RELL1: variants seen among roughly 807,000 people sequenced by gnomAD.
The protein encoded by RELL1 is RELT-like protein 1.
Under a neutral mutation model 23.0 loss-of-function variants are expected in RELL1, and 10 were observed. The observed-to-expected ratio is 0.43, with a 90% CI of 0.27 to 0.74. The LOEUF is 0.74. RELL1 is among the 30% of genes least tolerant of loss of function. The probability of loss-of-function intolerance (pLI) is 0.19; values close to 1 mark genes in which losing one functional copy is unlikely to be tolerated. For missense variants in RELL1, 315 were observed against 364.4 expected (o/e 0.86, Z 1.10); for synonymous variants, 146 against 146.8 (o/e 0.99, Z 0.04).
intron 1 of RELL1, among the ~76,000 whole-genome samples, chr4:37,682,548 T>A (rs1009389589): frequency 2.0e-5 from 3 of 152,214 alleles, no homozygotes; most frequent in African/African-American, 7.2e-5. Context: ...ATTCAACTCT[T>A]CAAATTTCCA....
intron 1 of RELL1, among the ~76,000 whole-genome samples, chr4:37,683,504 C>G (rs1722288238): frequency 6.6e-6 from 1 of 152,106 alleles, no homozygotes; most frequent in Admixed American, 6.6e-5. Flanking sequence ...CACCTGTAAT[C>G]CCTGCACTTT....
rs1180099923 is a variant in RELL1 at position 37,610,825 on chromosome 4, T to C, written c.*2521A>G. Among the ~76,000 whole-genome samples the C allele has an allele frequency of 2.6e-5, 4 of 152,180 alleles. No homozygotes were observed. Among genetic ancestry groups the C allele is most frequent in the Admixed American group, 2.0e-4 (3 of 15,274 alleles). On this transcript the variant is annotated 3_prime_UTR_variant, in exon 7 of 7. Coordinates refer to ENST00000454158, the MANE Select transcript of RELL1 (RefSeq NM_001085400.2). This position sits in a 1 kb window ranked among gnomAD's most constrained non-coding sequence, Gnocchi z 4.1. ...CATCATTAGTGTTTTCTAGAGAAAG[T>C]CTGTTGTGGATTCCCTCATCCTTAG...
intron 6 of RELL1, among the ~76,000 whole-genome samples, chr4:37,597,301 C>G (rs1268971488): frequency 6.6e-6 from 1 of 152,150 alleles, no homozygotes; most frequent in East Asian, 1.9e-4. Flanking sequence ...TTACTTATCT[C>G]CCTAATCAAA....
At position 37,638,498 on chromosome 4, in the gene RELL1, G is replaced by T; in HGVS notation, c.392C>A (p.Ala131Asp). The T allele has an allele frequency of 6.2e-7, 1 of 1,609,968 alleles. No individual in the cohort carries two copies. Among genetic ancestry groups the T allele is most frequent in the Non-Finnish European group, 8.5e-7 (1 of 1,176,920 alleles). Residue 131 changes from alanine to aspartate, a missense_variant, in exon 4 of 7, where the codon GCT becomes GAT. Transcript: ENST00000454158. ...VHYIMKNEAN[A>D]DVLKAMVADN... The stretch of plus-strand genomic sequence containing the variant: ...TGCTACCATCGCCTTTAAGACATCA[G>T]CATTCGCTAAGGAATAAAAATAAAA...
intron 1 of RELL1, among the ~76,000 whole-genome samples, chr4:37,651,917 C>T (rs1222737587): frequency 6.6e-6 from 1 of 152,288 alleles, no homozygotes; most frequent in African/African-American, 2.4e-5. Context: ...CTTGGGTGCG[C>T]TACAAGAGCT....
chr4:37,664,166 A>G (rs1471743333), intron 1 of RELL1, among the ~76,000 whole-genome samples: 1 of 152,138 alleles, frequency 6.6e-6, no homozygotes, highest in Non-Finnish European at 1.5e-5. Context: ...TCACAAGGTC[A>G]AGAGATCAAG....
chr4:37,599,248 G>A (rs75396179), intron 6 of RELL1, among the ~76,000 whole-genome samples: 1,806 of 152,278 alleles, frequency 0.012, 32 homozygotes, highest in African/African-American at 0.041. Flanking sequence ...GCTGAGACAC[G>A]GGGTTGCCGC....
chr4:37,678,325 G>T (rs1368512138), intron 1 of RELL1, among the ~76,000 whole-genome samples: 1 of 152,118 alleles, frequency 6.6e-6, no homozygotes, highest in South Asian at 2.1e-4. Flanking sequence ...CTAATACTGG[G>T]GATTACCATT....
Position 37,669,171 on chromosome 4 carries a change from G to A in RELL1, c.88+17029C>T, listed in dbSNP as rs1361808192. On this transcript the variant is annotated intron_variant, in intron 1 of 6. Coordinates refer to ENST00000454158, the MANE Select transcript of RELL1 (RefSeq NM_001085400.2). ...CTCTGCCCGGCCAGCCGCCCCGTCCGGGAGGGAGGTGGGGGGGGGGGTCAG... is the reference window on the plus strand; with the variant it reads ...CTCTGCCCGGCCAGCCGCCCCGTCCAGGAGGGAGGTGGGGGGGGGGGTCAG... Among the ~76,000 whole-genome samples, 109 of 40,318 alleles carry A rather than the reference G, an allele frequency of 2.7e-3. 3 individuals are homozygous for A. Among genetic ancestry groups the A allele is most frequent in the Non-Finnish European group, 2.7e-3 (47 of 17,322 alleles). The allele number at this position is 40,318 out of a possible 152,430, so 26.5% of individuals were successfully genotyped here. A position where few individuals can be genotyped will look rare whatever the true frequency, so the allele number is the denominator to read the frequency against.
intron 6 of RELL1, among the ~76,000 whole-genome samples, chr4:37,630,395 C>T (rs1409655817): frequency 5.9e-5 from 7 of 117,782 alleles, no homozygotes; most frequent in Non-Finnish European, 9.6e-5. Flanking sequence ...GACCGAGTCT[C>T]GCTCTGTCGC....
chr4:37,669,100 G>A (rs1721670692), intron 1 of RELL1, among the ~76,000 whole-genome samples: 1 of 136,098 alleles, frequency 7.3e-6, no homozygotes, highest in African/African-American at 3.1e-5. Flanking sequence ...TCTGGGAGGT[G>A]AGGGGCGCCT....
chr4:37,590,769 C>T, downstream of RELL1: 1 of 1,613,978 alleles, frequency 6.2e-7, no homozygotes, highest in Non-Finnish European at 8.5e-7. Context: ...TGAGGAGAAG[C>T]TGGGATTCAT....
chr4:37,649,015 T>C (rs1720800576), intron 2 of RELL1, among the ~76,000 whole-genome samples: 1 of 152,258 alleles, frequency 6.6e-6, no homozygotes, highest in African/African-American at 2.4e-5. Context: ...AGTGAAATTA[T>C]ACATGGCAGA....
intron 6 of RELL1, among the ~76,000 whole-genome samples, chr4:37,604,946 C>A (rs886699051): frequency 1.1e-4 from 15 of 137,984 alleles, no homozygotes; most frequent in Admixed American, 5.9e-4. Context: ...CACACACATA[C>A]ACACACAGAG....
intron 3 of RELL1, among the ~76,000 whole-genome samples, chr4:37,642,575 C>T (rs1463919251): frequency 6.6e-6 from 1 of 152,134 alleles, no homozygotes; most frequent in South Asian, 2.1e-4. Context: ...TCACAGAGTT[C>T]CTAAAGGCCT....
In RELL1 at chr4:37,649,310, C is replaced by T. The variant is rs554772980; in HGVS notation, c.279G>A (p.Glu93=). The change falls in exon 2 of 7, where the codon GAG becomes GAA. Residue 93 remains glutamate (E), a synonymous_variant. Coordinates refer to ENST00000454158, the MANE Select transcript of RELL1 (RefSeq NM_001085400.2). ...CAACCTTTTCCTCTTCGATATCTTG[C>T]TCTGCTTCTGTTGTACAACGATAGC... ...KKGYRCTTEA[E]QDIEEEKVEK... is the part of the protein sequence containing the mutation. The T allele has an allele frequency of 8.0e-5, 129 of 1,614,250 alleles. 1 individual carries two copies. The South Asian group carries it at 1.4e-3, about 17-fold the overall frequency.
At chr4:37,648,395 A>G (rs1424017261) in intron 2 of RELL1, among the ~76,000 whole-genome samples, 2 of 152,240 alleles carry the variant, frequency 1.3e-5, no homozygotes, top group African/African-American at 4.8e-5. Context: ...CTGGCAAGGA[A>G]CGAGGAACCT....
At chr4:37,603,516 C>T (rs929323032) in intron 6 of RELL1, among the ~76,000 whole-genome samples, 1 of 152,152 alleles carries the variant, frequency 6.6e-6, no homozygotes, top group Non-Finnish European at 1.5e-5. Context: ...ACACAACACG[C>T]CCTCAGTGAT....
chr4:37,667,274 C>T (rs181717945), intron 1 of RELL1, among the ~76,000 whole-genome samples: 1 of 151,952 alleles, frequency 6.6e-6, no homozygotes, highest in African/African-American at 2.4e-5. Flanking sequence ...TGTACAGTTA[C>T]TATTTCAAGC....
Sources: allele counts gnomAD v4.1 joint callset (sites outside exome capture counted in the v4.1 genomes callset), GRCh38; gene constraint gnomAD v4.1.1; non-coding constraint Gnocchi (gnomAD v3.1); transcripts MANE v1.5; gene names NCBI Gene and HGNC (gene_info 2026-07-23, HGNC 2026-07-21).